FAM193A: variants seen among roughly 807,000 people sequenced by gnomAD.
FAM193A encodes protein FAM193A.
In FAM193A, 22 loss-of-function variants were observed where a neutral mutation model predicts 126.5. The observed-to-expected ratio is 0.17, with a 90% CI of 0.12 to 0.25. The LOEUF (loss-of-function observed/expected upper bound fraction) is 0.25, where lower values mean the gene tolerates loss of function less well. Among genes scored for constraint, FAM193A ranks in the 10% least tolerant of loss-of-function variants. The pLI, the probability that FAM193A is intolerant of heterozygous loss-of-function variation, is 1.00. For missense variants in FAM193A, 1,675 were observed against 1,672.8 expected (o/e 1.00, Z -0.02); for synonymous variants, 761 against 646.8 (o/e 1.18, Z -2.68).
intron 5 of FAM193A, among the ~76,000 whole-genome samples, chr4:2,636,760 G>C (rs1378650374): frequency 6.6e-6 from 1 of 152,170 alleles, no homozygotes; most frequent in Non-Finnish European, 1.5e-5. Context: ...TGAAAGCTTA[G>C]ATTTTATGAT....
At chr4:2,648,579 G>A (rs903335881) in intron 7 of FAM193A, among the ~76,000 whole-genome samples, 18 of 152,250 alleles carry the variant, frequency 1.2e-4, no homozygotes, top group Non-Finnish European at 2.6e-4. Flanking sequence ...CTGGATGCCA[G>A]GTGGGGAGGG....
intron 13 of FAM193A, among the ~76,000 whole-genome samples, chr4:2,674,673 G>A (rs2109176322): frequency 6.6e-6 from 1 of 152,088 alleles, no homozygotes; most frequent in African/African-American, 2.4e-5. Flanking sequence ...TAAATATTTA[G>A]TACCTAAAAA....
intron 1 of FAM193A, among the ~76,000 whole-genome samples, chr4:2,553,040 G>A (rs1266823566): frequency 6.6e-6 from 1 of 151,940 alleles, no homozygotes; most frequent in Non-Finnish European, 1.5e-5. Context: ...TGGAGTCAGG[G>A]TTTTGCCATG....
chr4:2,577,136 G>C (rs1378503161), intron 1 of FAM193A, among the ~76,000 whole-genome samples: 2 of 148,062 alleles, frequency 1.4e-5, no homozygotes, highest in African/African-American at 2.5e-5. Context: ...ATTTATTCCA[G>C]GTAGTTATTG....
intron 19 of FAM193A, among the ~76,000 whole-genome samples, chr4:2,703,731 A>C (rs1717994680): frequency 6.7e-6 from 1 of 149,758 alleles, no homozygotes; most frequent in Admixed American, 6.8e-5. Context: ...TGGGAAGCTG[A>C]GGCAGGAGGA....
intron 2 of FAM193A, among the ~76,000 whole-genome samples, chr4:2,616,856 A>G (rs1294828326): frequency 4.1e-5 from 6 of 146,648 alleles, no homozygotes; most frequent in Non-Finnish European, 7.5e-5. Flanking sequence ...GTGAGCCACC[A>G]CGCCTGCCCA....
chr4:2,580,912 A>G (rs1339557324), intron 1 of FAM193A, among the ~76,000 whole-genome samples: 81 of 152,246 alleles, frequency 5.3e-4, no homozygotes, highest in South Asian at 1.7e-3. Context: ...GGCAGATCAC[A>G]AGGTCAGGAG....
At chr4:2,698,937 A>G (rs1474743671) in intron 18 of FAM193A, among the ~76,000 whole-genome samples, 1 of 152,222 alleles carries the variant, frequency 6.6e-6, no homozygotes, top group Non-Finnish European at 1.5e-5. Flanking sequence ...CTAGTTCTTT[A>G]CTACACATTG....
At chr4:2,657,596 A>G (rs921746246) in intron 7 of FAM193A, among the ~76,000 whole-genome samples, 2 of 152,188 alleles carry the variant, frequency 1.3e-5, no homozygotes, top group African/African-American at 4.8e-5. Flanking sequence ...TCTGTCTTTC[A>G]TGTGAGAAAA....
At chr4:2,555,113 CTATTA>C (rs1738175171) in intron 1 of FAM193A, among the ~76,000 whole-genome samples, 1 of 151,964 alleles carries the variant, frequency 6.6e-6, no homozygotes, top group African/African-American at 2.4e-5. Flanking sequence ...TTATTTGGTG[CTATTA>C]TAGGATGCTG....
intron 20 of FAM193A, among the ~76,000 whole-genome samples, chr4:2,727,469 CTG>C (rs1720889787): frequency 6.6e-6 from 1 of 152,184 alleles, no homozygotes; most frequent in Non-Finnish European, 1.5e-5. Flanking sequence ...CCCGCTGAGA[CTG>C]GATTTGAAAC....
At position 2,699,715 on chromosome 4, in the gene FAM193A, G is replaced by T. The variant is rs1384640563; in HGVS notation, c.3543G>T (p.Arg1181Ser). The change falls in exon 19 of 21, where the codon AGG becomes AGT. Residue 1181 changes from arginine (R) to serine (S), a missense_variant. Arg to Ser is a moderately radical substitution (Grantham distance 110, BLOSUM62 -1). Transcript: ENST00000637812. ...EEKARLEAEA[R>S]AREHLHLQEE... ...AAGCTCGCCTAGAAGCAGAGGCCAG[G>T]GCCCGGGAGCACCTGCACCTCCAGG... The T allele has an allele frequency of 6.2e-7, 1 of 1,613,332 alleles. No homozygotes were observed. Among genetic ancestry groups the T allele is most frequent in the Admixed American group, 1.7e-5 (1 of 59,836 alleles).
Position 2,663,216 on chromosome 4 carries a change from G to A in FAM193A, c.2007G>A (p.Val669=). The change falls in exon 12 of 21, where the codon GTG becomes GTA. Residue 669 remains valine, a synonymous_variant. Transcript: ENST00000637812. ...EPPGAPKEDG[V]LGSRSPRTEE... ...CAGGGGCCCCGAAGGAAGATGGAGT[G>A]CTGGGAAGCAGGAGCCCCAGGACAG... 2.5e-6 allele frequency: 4 copies of A among 1,614,118 alleles called. No individual in the cohort carries two copies. Among genetic ancestry groups the A allele is most frequent in the South Asian group, 2.2e-5 (2 of 91,084 alleles).
intron 13 of FAM193A, among the ~76,000 whole-genome samples, chr4:2,688,016 A>G (rs6605352): frequency 0.97 from 147,392 of 152,252 alleles, 71,386 homozygotes; most frequent in East Asian, 1. Flanking sequence ...GAACCCTCCC[A>G]CTTGAGTTTA....
chr4:2,631,176 GAGAAAACGTGTT>G lies in FAM193A; in HGVS notation c.1038+8_1038+19del. The stretch of plus-strand genomic sequence containing the variant: ...CACCTTCCTTGGCACTCTGGTAAGA[GAGAAAACGTGTT>G]TTTCTTTCTGTTTGGATGAGCTGAA... On this transcript the variant is annotated splice_region_variant and intron_variant, in intron 5 of 20. Transcript: ENST00000637812. The G allele has an allele frequency of 6.3e-7, 1 of 1,591,172 alleles. No homozygotes were observed. Among genetic ancestry groups the G allele is most frequent in the Non-Finnish European group, 8.6e-7 (1 of 1,166,396 alleles).
intron 20 of FAM193A, among the ~76,000 whole-genome samples, chr4:2,726,400 G>C (rs1035818660): frequency 6.6e-6 from 1 of 152,026 alleles, no homozygotes; most frequent in East Asian, 1.9e-4. Flanking sequence ...TTAAAAACTT[G>C]AGTTGTTCTT....
intron 2 of FAM193A, among the ~76,000 whole-genome samples, chr4:2,596,637 A>G (rs1025307528): frequency 3.3e-5 from 5 of 151,914 alleles, no homozygotes; most frequent in Admixed American, 6.6e-5. Context: ...AGGGAGTACA[A>G]TTTTCATGTG....
chr4:2,611,131 T>G (rs1482582210), intron 2 of FAM193A, among the ~76,000 whole-genome samples: 2 of 152,232 alleles, frequency 1.3e-5, no homozygotes, highest in Non-Finnish European at 2.9e-5. Flanking sequence ...GCTTATACTG[T>G]TCTGCAGCCA....
At chr4:2,704,381 C>G (rs1234977478) in intron 19 of FAM193A, among the ~76,000 whole-genome samples, 1 of 151,680 alleles carries the variant, frequency 6.6e-6, no homozygotes, top group Non-Finnish European at 1.5e-5. Context: ...GCCTGACCAA[C>G]ATGTGGAACC....
Sources: allele counts gnomAD v4.1 joint callset (sites outside exome capture counted in the v4.1 genomes callset), GRCh38; gene constraint gnomAD v4.1.1; transcripts MANE v1.5; gene names NCBI Gene and HGNC (gene_info 2026-07-23, HGNC 2026-07-21).